Variants in RTF1 observed in about 807,000 individuals in gnomAD.
RTF1 encodes the protein RNA polymerase-associated protein RTF1 homolog.
A neutral mutation model predicts 95.7 loss-of-function variants in RTF1; 10 were observed. That is an observed-to-expected ratio of 0.10 (90% CI 0.06 to 0.18). The LOEUF is 0.18. RTF1 is among the 10% of genes least tolerant of loss of function. The pLI is 1.00. For synonymous variants in RTF1, 305 were observed against 311.8 expected (o/e 0.98, Z 0.23); for missense variants, 458 against 875.6 (o/e 0.52, Z 6.02).
At chr15:41,458,084 G>A (rs746352573) in intron 4 of RTF1, among the ~76,000 whole-genome samples, 7 of 152,084 alleles carry the variant, frequency 4.6e-5, no homozygotes, top group African/African-American at 7.2e-5. Flanking sequence ...ACTAATGTAC[G>A]TTATTCAGAA....
intron 1 of RTF1, among the ~76,000 whole-genome samples, chr15:41,426,930 C>G (rs1281558772): frequency 6.7e-6 from 1 of 149,062 alleles, no homozygotes; most frequent in Non-Finnish European, 1.5e-5. Context: ...CAACCTCCAC[C>G]TCCCAGGTTC....
intron 1 of RTF1, among the ~76,000 whole-genome samples, chr15:41,424,325 A>G (rs1195042962): frequency 1.3e-5 from 2 of 152,196 alleles, no homozygotes; most frequent in Non-Finnish European, 2.9e-5. Context: ...GTTAAGGAGA[A>G]GCAGATTAGA....
At chr15:41,433,605 G>A (rs2050686769) in intron 1 of RTF1, among the ~76,000 whole-genome samples, 1 of 151,914 alleles carries the variant, frequency 6.6e-6, no homozygotes, top group Admixed American at 6.6e-5. Flanking sequence ...ACAAACGTGA[G>A]CCACTGCACC....
At chr15:41,453,564 A>T (rs571417777) in intron 3 of RTF1, among the ~76,000 whole-genome samples, 1 of 151,914 alleles carries the variant, frequency 6.6e-6, no homozygotes, top group Non-Finnish European at 1.5e-5. Flanking sequence ...CATCTCTACA[A>T]AAAAATTTAA....
At chr15:41,458,473 C>T (rs537296732) in intron 4 of RTF1, among the ~76,000 whole-genome samples, 87 of 152,222 alleles carry the variant, frequency 5.7e-4, no homozygotes, top group East Asian at 9.7e-4. Context: ...CACCGCACTA[C>T]AGGCAGCATT....
Position 41,466,127 on chromosome 15 carries a change from CCT to C in RTF1, c.778-13_778-12del. On this transcript the variant is annotated splice_polypyrimidine_tract_variant and intron_variant, in intron 5 of 17. Transcript: ENST00000389629. Reference sequence around the variant, plus strand: ...TGGTAAAAAGGGCCATTCTATATATCCTTCCCTTCCTAGGTAACATCCCACAA... The same window carrying C: ...TGGTAAAAAGGGCCATTCTATATATCTCCCTTCCTAGGTAACATCCCACAA... 6.6e-7 allele frequency: 1 copy of C among 1,524,380 alleles called. No individual in the cohort carries two copies. Among genetic ancestry groups the C allele is most frequent in the South Asian group, 1.3e-5 (1 of 79,648 alleles). 94.4% of individuals were successfully genotyped at this position (1,524,380 alleles called of 1,614,324 possible).
rs2050939353 is a variant in RTF1 at position 41,475,835 on chromosome 15, C to T, written c.1482+16C>T. The T allele has an allele frequency of 1.5e-6, 2 of 1,326,314 alleles. No homozygotes were observed. Among genetic ancestry groups the T allele is most frequent in the South Asian group, 2.5e-5 (2 of 80,076 alleles). 82.2% of individuals were successfully genotyped at this position (1,326,314 alleles called of 1,614,324 possible). A position where few individuals can be genotyped will look rare whatever the true frequency, so the allele number is the denominator to read the frequency against. On this transcript the variant is annotated intron_variant, in intron 11 of 17. Transcript: ENST00000389629. ...CATTGAAGAGGTAAGAAAACTGGTGCCCCAGAACCCGGAGGTTCATCAAGA... is the reference window on the plus strand; with the variant it reads ...CATTGAAGAGGTAAGAAAACTGGTGTCCCAGAACCCGGAGGTTCATCAAGA...
At chr15:41,422,071 A>G (rs1034432444) in intron 1 of RTF1, among the ~76,000 whole-genome samples, 12 of 152,048 alleles carry the variant, frequency 7.9e-5, no homozygotes, top group Non-Finnish European at 1.5e-4. Flanking sequence ...GTCTCACTCT[A>G]TCGCCCAGAC....
intron 8 of RTF1, among the ~76,000 whole-genome samples, chr15:41,472,918 G>A (rs1413687332): frequency 6.6e-6 from 1 of 151,756 alleles, no homozygotes; most frequent in Non-Finnish European, 1.5e-5. Context: ...AGCCAGGATG[G>A]TCTTGATCTC....
chr15:41,476,353 A>C lies in RTF1; in HGVS notation c.1483-93A>C, dbSNP rs2050941835. On this transcript the variant is annotated intron_variant, in intron 11 of 17. Coordinates refer to ENST00000389629, the MANE Select transcript of RTF1 (RefSeq NM_015138.5). ...GCTGTAGGAAGAGCAGCCCCTTTGT[A>C]ACTAGCTGTTTGCATCCAAAATGGG... The C allele has an allele frequency of 3.2e-6, 3 of 932,308 alleles. No individual in the cohort carries two copies. The East Asian group carries it at 7.4e-5, about 23-fold the overall frequency. 57.8% of individuals were successfully genotyped at this position (932,308 alleles called of 1,614,324 possible). A position where few individuals can be genotyped will look rare whatever the true frequency, so the allele number is the denominator to read the frequency against.
Position 41,456,153 on chromosome 15 carries a change from T to A in RTF1, c.458-1519T>A, listed in dbSNP as rs2050814284. Among the ~76,000 whole-genome samples the A allele has an allele frequency of 2.1e-5, 3 of 143,948 alleles. No homozygotes were observed. The South Asian group carries it at 6.5e-4, about 31-fold the overall frequency. The allele number at this position is 143,948 out of a possible 152,430, so 94.4% of individuals were successfully genotyped here. A position where few individuals can be genotyped will look rare whatever the true frequency, so the allele number is the denominator to read the frequency against. ...CCCGAGAGGTAGAGGTTGCAGTAAC[T>A]GAGATCAGCCTAGGCAACAAAAGTG... On this transcript the variant is annotated intron_variant, in intron 3 of 17. Coordinates refer to ENST00000389629, the MANE Select transcript of RTF1 (RefSeq NM_015138.5).
chr15:41,436,961 C>T (rs527306776), intron 1 of RTF1, among the ~76,000 whole-genome samples: 13 of 151,512 alleles, frequency 8.6e-5, no homozygotes, highest in African/African-American at 2.9e-4. Flanking sequence ...GTGGCACACC[C>T]CTGTAGTCCC....
At chr15:41,437,110 A>C (rs1290521855) in intron 1 of RTF1, among the ~76,000 whole-genome samples, 1 of 151,786 alleles carries the variant, frequency 6.6e-6, no homozygotes, top group Non-Finnish European at 1.5e-5. Context: ...AATAAAAACC[A>C]AGAACAACAA....
intron 6 of RTF1, among the ~76,000 whole-genome samples, chr15:41,468,772 C>T (rs1401226356): frequency 2.0e-5 from 3 of 151,904 alleles, no homozygotes; most frequent in Admixed American, 1.3e-4. Context: ...ATGTGTAATT[C>T]AAGACCAGCC....
intron 11 of RTF1, among the ~76,000 whole-genome samples, chr15:41,476,068 CT>C (rs2140656187): frequency 6.6e-6 from 1 of 152,316 alleles, no homozygotes; most frequent in Non-Finnish European, 1.5e-5. Context: ...GCTACATACA[CT>C]AAAGTGTATT....
intron 4 of RTF1, among the ~76,000 whole-genome samples, chr15:41,461,105 C>T (rs1343711482): frequency 6.6e-6 from 1 of 150,612 alleles, no homozygotes; most frequent in Non-Finnish European, 1.5e-5. Flanking sequence ...TGCAATGGCA[C>T]AATCTCGGCT....
At chr15:41,435,062 G>A (rs1308054942) in intron 1 of RTF1, among the ~76,000 whole-genome samples, 2 of 151,572 alleles carry the variant, frequency 1.3e-5, no homozygotes, top group Non-Finnish European at 2.9e-5. Flanking sequence ...CTGGGTTCAA[G>A]CGATTCTCCT....
intron 4 of RTF1, among the ~76,000 whole-genome samples, chr15:41,464,486 G>C (rs896533446): frequency 6.7e-6 from 1 of 150,306 alleles, no homozygotes; most frequent in Non-Finnish European, 1.5e-5. Flanking sequence ...TGATCCCCCC[G>C]CCTCGGCCTC....
chr15:41,433,788 A>G (rs1055466657), intron 1 of RTF1, among the ~76,000 whole-genome samples: 6 of 151,604 alleles, frequency 4.0e-5, no homozygotes, highest in Non-Finnish European at 7.4e-5. Flanking sequence ...TGAACATACA[A>G]TTACCCCCAA....
Sources: gnomAD v4.1 joint callset for allele counts (sites outside exome capture counted in the v4.1 genomes callset) on GRCh38, gnomAD v4.1.1 for gene constraint, MANE v1.5 for transcripts, NCBI Gene and HGNC (gene_info 2026-07-23, HGNC 2026-07-21) for gene names.